The following USP15 variants were observed in gnomAD, a reference collection of about 807,000 sequenced individuals.
USP15 encodes the protein ubiquitin carboxyl-terminal hydrolase 15.
Under a neutral mutation model 127.1 loss-of-function variants are expected in USP15, and 18 were observed. The observed-to-expected ratio is 0.14, with a 90% CI of 0.10 to 0.21. The LOEUF (loss-of-function observed/expected upper bound fraction) is 0.21. Ranked by LOEUF, USP15 falls within the 10% of genes least tolerant of loss-of-function variation. USP15 has a pLI of 1.00. For missense variants in USP15, 805 were observed against 1,159.9 expected (o/e 0.69, Z 4.44); for synonymous variants, 364 against 393.7 (o/e 0.92, Z 0.89).
intron 7 of USP15, among the ~76,000 whole-genome samples, chr12:62,352,805 T>C (rs973901005): frequency 2.8e-5 from 4 of 144,868 alleles, no homozygotes; most frequent in Non-Finnish European, 4.5e-5. Flanking sequence ...CTGACATCTT[T>C]TATGGAAAGG....
At chr12:62,351,175 T>C (rs1051127164) in intron 7 of USP15, among the ~76,000 whole-genome samples, 1 of 151,906 alleles carries the variant, frequency 6.6e-6, no homozygotes, top group Admixed American at 6.6e-5. Context: ...AAAAGATATG[T>C]GCACTATGTG....
At position 62,307,398 on chromosome 12, in the gene USP15, T is replaced by C. The variant is rs185267085; in HGVS notation, c.348+4478T>C. Among the ~76,000 whole-genome samples the C allele has an allele frequency of 2.9e-3, 441 of 152,296 alleles. 3 individuals are homozygous for C. Among genetic ancestry groups the C allele is most frequent in the Admixed American group, 5.4e-3 (83 of 15,282 alleles). ...GTCCAGGTAGATTTCATAATCGTTA[T>C]GGACCATTGATTCCTTTGTACGTCC... On this transcript the variant is annotated intron_variant, in intron 3 of 21. Coordinates refer to ENST00000280377, the MANE Select transcript of USP15 (RefSeq NM_001252078.2).
intron 5 of USP15, 73 bp downstream of exon 5, chr12:62,321,682 G>A: frequency 1.6e-6 from 2 of 1,283,184 alleles, no homozygotes; most frequent in South Asian, 4.1e-5. Context: ...AATTATCCTG[G>A]CAATATATAA....
intron 5 of USP15, 108 bp from the exon 6 acceptor site, chr12:62,325,764 A>G: frequency 1.1e-6 from 1 of 901,632 alleles, no homozygotes; most frequent in Non-Finnish European, 1.6e-6. Flanking sequence ...GTTTTCCTTT[A>G]AATAATCACA....
chr12:62,393,850 G>A (rs1453608346), intron 19 of USP15: 1 of 152,318 alleles, frequency 6.6e-6, no homozygotes, highest in Non-Finnish European at 1.5e-5. Context: ...CCAAAGTGCT[G>A]GGATTACAGG....
At chr12:62,299,952 C>CT (rs1280530677) in intron 2 of USP15, among the ~76,000 whole-genome samples, 1 of 151,962 alleles carries the variant, frequency 6.6e-6, no homozygotes, top group Non-Finnish European at 1.5e-5. Context: ...TGTTATATAT[C>CT]TTTTTTAGTG....
rs371925352 is a variant in USP15, at chr12:62,384,311, T to C, written c.1473+9T>C. On this transcript the variant is annotated intron_variant, in intron 11 of 21. Coordinates refer to ENST00000280377, the MANE Select transcript of USP15 (RefSeq NM_001252078.2). Reference sequence around the variant, plus strand: ...TTACCAAACCTATGCAGGTAAATCATGGGTTGGTTTGTTTTGTTTTTTTTT... The same window carrying C: ...TTACCAAACCTATGCAGGTAAATCACGGGTTGGTTTGTTTTGTTTTTTTTT... The C allele has an allele frequency of 1.3e-6, 2 of 1,506,712 alleles. No homozygotes were observed. Among genetic ancestry groups the C allele is most frequent in the South Asian group, 1.3e-5 (1 of 78,156 alleles). The allele number at this position is 1,506,712 out of a possible 1,614,324, so 93.3% of individuals were successfully genotyped here.
At chr12:62,372,305 A>C (rs886183029) in intron 8 of USP15, among the ~76,000 whole-genome samples, 1 of 152,122 alleles carries the variant, frequency 6.6e-6, no homozygotes, top group African/African-American at 2.4e-5. Context: ...ATCTGATAGC[A>C]CTTGAATTGA....
chr12:62,391,363 G>A lies in USP15; in HGVS notation c.2167G>A (p.Asp723Asn), dbSNP rs2067319861. The change falls in exon 16 of 22, where the codon GAT becomes AAT. Residue 723 changes from aspartate (D) to asparagine (N), a missense_variant. Asp to Asn is a conservative substitution (Grantham distance 23, BLOSUM62 1). Transcript: ENST00000280377. ...CCAGTTCAACAACTTAGGCAATACTGATATCAACTACATCAAAGATGATAC... is the reference window on the plus strand; with the variant it reads ...CCAGTTCAACAACTTAGGCAATACTAATATCAACTACATCAAAGATGATAC... The part of the protein sequence containing the change: ...TFQFNNLGNT[D>N]INYIKDDTRH... The A allele has an allele frequency of 6.2e-7, 1 of 1,612,998 alleles. No individual in the cohort carries two copies. The highest frequency in any genetic ancestry group is 1.3e-5 in the African/African-American group (1 of 74,978).
intron 6 of USP15, among the ~76,000 whole-genome samples, chr12:62,337,792 C>T (rs2065517769): frequency 6.6e-6 from 1 of 152,102 alleles, no homozygotes; most frequent in African/African-American, 2.4e-5. Flanking sequence ...TCACCCATGT[C>T]CCTGCAAAGG....
Position 62,303,054 on chromosome 12 carries a change from T to A in USP15, c.348+134T>A, listed in dbSNP as rs566833556. 4.9e-5 allele frequency: 48 copies of A among 972,988 alleles called. 1 individual carries two copies. In the East Asian group the frequency reaches 1.2e-3, roughly 25 times the overall value. The allele number at this position is 972,988 out of a possible 1,614,324, so 60.3% of individuals were successfully genotyped here. On this transcript the variant is annotated intron_variant, in intron 3 of 21. Transcript: ENST00000280377. ...CCAGCAAAATAACCGTACACTGTGT[T>A]ACAATAATGGCAAGTAACATGTTAA... is the stretch of plus-strand genomic sequence containing the variant.
At position 62,407,809 on chromosome 12, in the gene USP15, A is replaced by T. The variant is rs2067919437; in HGVS notation, c.*3434A>T. On this transcript the variant is annotated 3_prime_UTR_variant, in exon 22 of 22. Transcript: ENST00000280377. ...CAGGCTGGAGTGCAGTGACATAATC[A>T]TAGTTCACTGTAACCTTGAACTCCT... 1 of 152,032 alleles carries T rather than the reference A, an allele frequency of 6.6e-6. No individual in the cohort carries two copies. Among genetic ancestry groups the T allele is most frequent in the Non-Finnish European group, 1.5e-5 (1 of 68,014 alleles). The allele number at this position is 152,032 out of a possible 1,614,324, so 9.4% of individuals were successfully genotyped here. A position where few individuals can be genotyped will look rare whatever the true frequency, so the allele number is the denominator to read the frequency against.
At chr12:62,357,666 C>A (rs2066174784) in intron 8 of USP15, among the ~76,000 whole-genome samples, 1 of 152,020 alleles carries the variant, frequency 6.6e-6, no homozygotes, top group African/African-American at 2.4e-5. Context: ...AAATAAAATT[C>A]TTCAAACAAT....
chr12:62,273,448 A>G (rs2063395801), intron 1 of USP15, among the ~76,000 whole-genome samples: 2 of 152,022 alleles, frequency 1.3e-5, no homozygotes, highest in Non-Finnish European at 1.5e-5. Context: ...ATGAATTCCC[A>G]TTTCTAAGAT....
intron 6 of USP15, among the ~76,000 whole-genome samples, chr12:62,342,925 G>T (rs141791644): frequency 3.9e-5 from 6 of 152,178 alleles, no homozygotes; most frequent in African/African-American, 1.4e-4. Flanking sequence ...GAGCTGGTAC[G>T]CTGTGCTGGG....
At position 62,309,801 on chromosome 12, in the gene USP15, T is replaced by C. The variant is rs535437446; in HGVS notation, c.349-4989T>C. Among the ~76,000 whole-genome samples, 4 of 151,684 alleles carry C rather than the reference T, an allele frequency of 2.6e-5. No homozygotes were observed. The South Asian group carries it at 6.2e-4, about 24-fold the overall frequency. ...AGGAGAAAAATAATCTCAATAGAGA[T>C]ACAAAGAACATTTGATGCTCAACAT... is the stretch of plus-strand genomic sequence containing the variant. On this transcript the variant is annotated intron_variant, in intron 3 of 21. Coordinates refer to ENST00000280377, the MANE Select transcript of USP15 (RefSeq NM_001252078.2).
intron 6 of USP15, among the ~76,000 whole-genome samples, chr12:62,344,952 CA>C (rs2065767833): frequency 6.6e-6 from 1 of 152,198 alleles, no homozygotes; most frequent in South Asian, 2.1e-4. Flanking sequence ...CCCATAAAAC[CA>C]TCTTTCCTTT....
rs944911865 is a variant in USP15, at chr12:62,305,196, A to G, written c.348+2276A>G. Among the ~76,000 whole-genome samples, 5 of 152,292 alleles carry G rather than the reference A, an allele frequency of 3.3e-5. No homozygotes were observed. The East Asian group carries it at 5.8e-4, about 18-fold the overall frequency. On this transcript the variant is annotated intron_variant, in intron 3 of 21. Coordinates refer to ENST00000280377, the MANE Select transcript of USP15 (RefSeq NM_001252078.2). ...ATTTTCCCAAACTGAGAAAGGTGTC[A>G]TGCTTTAAAGAAATGCTATGAATCC...
intron 19 of USP15, 119 bp downstream of exon 19, chr12:62,393,321 A>G (rs2067380338): frequency 7.9e-7 from 1 of 1,261,130 alleles, no homozygotes; most frequent in East Asian, 2.5e-5. Flanking sequence ...TCAGCTTTCA[A>G]GTTTGTTTTT....
Sources: allele counts gnomAD v4.1 joint callset (sites outside exome capture counted in the v4.1 genomes callset), GRCh38; gene constraint gnomAD v4.1.1; transcripts MANE v1.5; gene names NCBI Gene and HGNC (gene_info 2026-07-23, HGNC 2026-07-21).